The following MAPK9 variants were observed in gnomAD, a reference collection of about 807,000 sequenced individuals.
MAPK9 encodes Jun kinase.
MAPK9 carries 30 observed loss-of-function variants against 57.1 expected under a neutral mutation model. The observed-to-expected ratio is 0.53, with a 90% confidence interval of 0.39 to 0.71. MAPK9 has a LOEUF of 0.71. Among genes scored for constraint, MAPK9 ranks in the 30% least tolerant of loss-of-function variants. MAPK9 has a pLI of 0.00. For missense variants in MAPK9, 362 were observed against 521.0 expected, an observed-to-expected ratio of 0.69 and a Z score of 2.97; for synonymous variants, 155 against 177.0, an observed-to-expected ratio of 0.88 and a Z score of 0.99.
chr5:180,256,701 G>A (rs1039544412), intron 5 of MAPK9, among the ~76,000 whole-genome samples: 2 of 152,074 alleles, frequency 1.3e-5, no homozygotes, highest in Non-Finnish European at 2.9e-5. Context: ...ACTCCTTTGG[G>A]CCCCATCTGA....
At chr5:180,289,826 C>T (rs548555151) in intron 1 of MAPK9, among the ~76,000 whole-genome samples, 2 of 152,308 alleles carry the variant, frequency 1.3e-5, no homozygotes, top group South Asian at 2.1e-4. Context: ...TTAGCTATTG[C>T]CAACATTTAA....
Position 180,238,412 on chromosome 5 carries a change from A to G in MAPK9, c.1061-9T>C, listed in dbSNP as rs781171387. 1.3e-5 allele frequency: 21 copies of G among 1,578,394 alleles called. No individual in the cohort carries two copies. The highest frequency in any genetic ancestry group is 1.8e-5 in the Non-Finnish European group (21 of 1,148,286). On this transcript the variant is annotated splice_polypyrimidine_tract_variant and intron_variant, in intron 10 of 11. Transcript: ENST00000452135. ...TTCTTTGTAAATTAGCTCTTTAATA[A>G]AAATACAAGTTAAAATGCTTAATCA...
intron 1 of MAPK9, among the ~76,000 whole-genome samples, chr5:180,282,593 AACTG>A (rs1428128750): frequency 6.6e-6 from 1 of 152,242 alleles, no homozygotes; most frequent in African/African-American, 2.4e-5. Flanking sequence ...ACAGAGCTCA[AACTG>A]ACTGTGTCCA....
Position 180,247,798 on chromosome 5 carries a change from G to C in MAPK9, c.617-288C>G. ...TGCCTGTGAACACAAAGCTTTTCAG[G>C]GCCACACGCCCACCCCAGCCTCCAT... On this transcript the variant is annotated intron_variant, in intron 6 of 11. Coordinates refer to ENST00000452135, the MANE Select transcript of MAPK9 (RefSeq NM_002752.5). This position sits in a 1 kb window ranked among gnomAD's most constrained non-coding sequence, Gnocchi z 4.5. The C allele has an allele frequency of 1.3e-6, 2 of 1,548,444 alleles. No individual in the cohort carries two copies. The highest frequency in any genetic ancestry group is 1.1e-5 in the South Asian group (1 of 89,656).
intron 5 of MAPK9, among the ~76,000 whole-genome samples, chr5:180,258,794 A>G (rs1209050129): frequency 6.8e-6 from 1 of 147,164 alleles, no homozygotes; most frequent in Non-Finnish European, 1.5e-5. Flanking sequence ...TGGGAGGCTG[A>G]GGCAGGCAGA....
chr5:180,261,106 C>T (rs1006840303), intron 5 of MAPK9, among the ~76,000 whole-genome samples: 15 of 152,168 alleles, frequency 9.9e-5, no homozygotes, highest in Non-Finnish European at 1.9e-4. Flanking sequence ...ATTCAAATCC[C>T]GGCCTCTGCT....
chr5:180,279,052 G>C (rs1762080943), intron 2 of MAPK9, among the ~76,000 whole-genome samples: 1 of 151,078 alleles, frequency 6.6e-6, no homozygotes, highest in Non-Finnish European at 1.5e-5. Context: ...CCATCTCCCA[G>C]GTTCAAGCGA....
chr5:180,239,676 T>C (rs1218389884), intron 10 of MAPK9, among the ~76,000 whole-genome samples: 1 of 152,212 alleles, frequency 6.6e-6, no homozygotes, highest in African/African-American at 2.4e-5. Flanking sequence ...TAAATCAATA[T>C]GTGAAAAGCC....
intron 3 of MAPK9, 33 bp downstream of exon 3, chr5:180,269,247 G>C (rs375299047): frequency 2.3e-5 from 37 of 1,601,098 alleles, no homozygotes; most frequent in Non-Finnish European, 3.0e-5. Flanking sequence ...TGACAATATG[G>C]AAGCACACAG....
rs1186418937 is a variant in MAPK9 at position 180,247,965 on chromosome 5, C to T, written c.617-455G>A. On this transcript the variant is annotated intron_variant, in intron 6 of 11. Coordinates refer to ENST00000452135, the MANE Select transcript of MAPK9 (RefSeq NM_002752.5). The surrounding 1 kb of genome is among the most constrained non-coding windows in gnomAD (Gnocchi z 4.5). ...GGGGATTAAAAACCAGCTAGAGTCC[C>T]CCATCTTTTTTCTTCAAACCCCCTC... is the stretch of plus-strand genomic sequence containing the variant. The T allele has an allele frequency of 1.1e-5, 18 of 1,598,030 alleles. No homozygotes were observed. The highest frequency in any genetic ancestry group is 1.5e-5 in the Non-Finnish European group (17 of 1,171,650).
At position 180,282,194 on chromosome 5, in the gene MAPK9, A is replaced by G. The variant is rs561143279; in HGVS notation, c.-47-1586T>C. 7.2e-4 allele frequency among the ~76,000 whole-genome samples: 110 copies of G among 152,350 alleles called. 1 individual carries two copies. In the South Asian group the frequency reaches 0.011, roughly 16 times the overall value. ...AACCTTTGTTGATCTGATTCCCCAC[A>G]GTGCTGCTCCATTTTACTGATATCT... On this transcript the variant is annotated intron_variant, in intron 1 of 11. Coordinates refer to ENST00000452135, the MANE Select transcript of MAPK9 (RefSeq NM_002752.5).
chr5:180,238,727 G>A (rs1427989978), intron 10 of MAPK9, among the ~76,000 whole-genome samples: 1 of 149,878 alleles, frequency 6.7e-6, no homozygotes, highest in African/African-American at 2.5e-5. Flanking sequence ...TCATGCCTCA[G>A]CCATCCAAAT....
At chr5:180,280,646 G>C (rs1762244202) in intron 1 of MAPK9, 38 bp from the exon 2 acceptor site, 2 of 1,522,032 alleles carry the variant, frequency 1.3e-6, no homozygotes, top group Non-Finnish European at 1.8e-6. Flanking sequence ...ATTCTTACCG[G>C]AAGTACATAC....
chr5:180,272,759 GT>G (rs1761458457), intron 2 of MAPK9, among the ~76,000 whole-genome samples: 1 of 152,170 alleles, frequency 6.6e-6, no homozygotes. Context: ...TATTTCAGTT[GT>G]TTTTAGTTTT....
intron 2 of MAPK9, among the ~76,000 whole-genome samples, chr5:180,279,146 C>T (rs1217755050): frequency 1.3e-5 from 2 of 151,994 alleles, no homozygotes; most frequent in Non-Finnish European, 2.9e-5. Flanking sequence ...TTAGCAAAGA[C>T]GGGGTTTCAC....
chr5:180,247,139 A>C lies in MAPK9; in HGVS notation c.688+300T>G. ...ATTTAAATATCAGAATATACTTATCAAAGAGTAAATAATTTCTTCTATGTG... is the reference window on the plus strand; with the variant it reads ...ATTTAAATATCAGAATATACTTATCCAAGAGTAAATAATTTCTTCTATGTG... On this transcript the variant is annotated intron_variant, in intron 7 of 11. Transcript: ENST00000452135. This position sits in a 1 kb window ranked among gnomAD's most constrained non-coding sequence, Gnocchi z 4.5. The C allele has an allele frequency of 2.2e-6, 1 of 461,088 alleles. No individual in the cohort carries two copies. Among genetic ancestry groups the C allele is most frequent in the Non-Finnish European group, 3.8e-6 (1 of 261,458 alleles). The allele number at this position is 461,088 out of a possible 1,614,324, so 28.6% of individuals were successfully genotyped here.
intron 1 of MAPK9, among the ~76,000 whole-genome samples, chr5:180,290,155 A>G (rs145594879): frequency 3.9e-5 from 6 of 152,328 alleles, no homozygotes; most frequent in Admixed American, 3.3e-4. Flanking sequence ...CATGGCACCC[A>G]GCCAAATTCC....
chr5:180,242,328 A>G (rs1321090929), intron 8 of MAPK9, among the ~76,000 whole-genome samples: 2 of 152,234 alleles, frequency 1.3e-5, no homozygotes, highest in Non-Finnish European at 2.9e-5. Context: ...TGTAACTGTA[A>G]CATAAGATTC....
chr5:180,287,225 G>C (rs1460572585), intron 1 of MAPK9, among the ~76,000 whole-genome samples: 1 of 152,184 alleles, frequency 6.6e-6, no homozygotes, highest in Non-Finnish European at 1.5e-5. Context: ...AGTGGTTATA[G>C]GAATTTTCAC....
Sources: allele counts gnomAD v4.1 joint callset (sites outside exome capture counted in the v4.1 genomes callset), GRCh38; gene constraint gnomAD v4.1.1; non-coding constraint Gnocchi (gnomAD v3.1); transcripts MANE v1.5; gene names NCBI Gene and HGNC (gene_info 2026-07-23, HGNC 2026-07-21).